Variants in C2CD3 observed in about 807,000 individuals in gnomAD.
C2CD3 encodes the protein C2 domain-containing protein 3.
In C2CD3, 148 loss-of-function variants were observed where a neutral mutation model predicts 234.0. The observed-to-expected ratio is 0.63, with a 90% CI of 0.55 to 0.72. C2CD3 has a LOEUF of 0.72. Ranked by LOEUF, C2CD3 falls within the 30% of genes least tolerant of loss-of-function variation. The pLI, the probability that C2CD3 is intolerant of heterozygous loss-of-function variation, is 0.00. For synonymous variants in C2CD3, 1,000 were observed against 1,035.4 expected, an observed-to-expected ratio of 0.97 and a Z score of 0.66; for missense variants, 2,577 against 2,811.5, an observed-to-expected ratio of 0.92 and a Z score of 1.89.
At chr11:74,028,458 C>T (rs1952395029) in intron 31 of C2CD3, 60 bp from the exon 32 acceptor site, 1 of 1,008,692 alleles carries the variant, frequency 9.9e-7, no homozygotes, top group East Asian at 2.6e-5. Context: ...CAGTGGAGGC[C>T]AGCATCTCCA....
intron 32 of C2CD3, among the ~76,000 whole-genome samples, chr11:74,016,406 C>T (rs1373113854): frequency 1.2e-4 from 18 of 152,220 alleles, no homozygotes; most frequent in Admixed American, 1.2e-3. Flanking sequence ...CAGACCTACA[C>T]CTACTGGCTG....
intron 9 of C2CD3, 82 bp downstream of exon 9, chr11:74,118,146 A>G: frequency 9.5e-7 from 1 of 1,048,166 alleles, no homozygotes. Flanking sequence ...TGCTGGGCAA[A>G]TGGGTCATTT....
At chr11:74,110,192 G>A (rs983275990) in intron 11 of C2CD3, among the ~76,000 whole-genome samples, 14 of 146,316 alleles carry the variant, frequency 9.6e-5, no homozygotes, top group African/African-American at 3.4e-4. Context: ...ACTTACCACC[G>A]CAGAAACAAT....
At chr11:74,122,899 G>T in intron 8 of C2CD3, 89 bp downstream of exon 8, 1 of 698,978 alleles carries the variant, frequency 1.4e-6, no homozygotes, top group Non-Finnish European at 2.2e-6. Context: ...GGTAAGTTAT[G>T]TAAAATGCAT....
At chr11:74,126,652 G>A (rs186968904) in intron 7 of C2CD3, among the ~76,000 whole-genome samples, 5 of 152,310 alleles carry the variant, frequency 3.3e-5, no homozygotes, top group Admixed American at 2.6e-4. Flanking sequence ...GCTGAGGCAG[G>A]AGAATCGCTT....
intron 22 of C2CD3, among the ~76,000 whole-genome samples, chr11:74,079,814 T>G (rs1384499049): frequency 1.3e-5 from 2 of 152,062 alleles, no homozygotes; most frequent in Non-Finnish European, 2.9e-5. Flanking sequence ...AAGGCCAGAT[T>G]TATTTCTGAA....
At chr11:74,055,376 A>G (rs908815212) in intron 25 of C2CD3, among the ~76,000 whole-genome samples, 3 of 139,140 alleles carry the variant, frequency 2.2e-5, no homozygotes, top group Admixed American at 2.0e-4. Context: ...ATACATTTAT[A>G]TATTACATAA....
intron 24 of C2CD3, among the ~76,000 whole-genome samples, chr11:74,067,483 A>G (rs1954594664): frequency 1.3e-5 from 2 of 152,202 alleles, no homozygotes; most frequent in Non-Finnish European, 2.9e-5. Flanking sequence ...GTTTACAAGC[A>G]TATTAAAGAA....
chr11:74,118,640 C>T (rs572816926), intron 8 of C2CD3, among the ~76,000 whole-genome samples: 8 of 151,158 alleles, frequency 5.3e-5, no homozygotes, highest in African/African-American at 1.9e-4. Context: ...ATAATAATAA[C>T]TATTATTTAT....
chr11:74,081,214 T>C (rs538050338), intron 22 of C2CD3, among the ~76,000 whole-genome samples: 19 of 152,280 alleles, frequency 1.2e-4, no homozygotes, highest in African/African-American at 3.6e-4. Context: ...ACTGTATCCA[T>C]CCCACAAGAT....
intron 30 of C2CD3, 93 bp downstream of exon 30, chr11:74,037,385 C>T: frequency 1.0e-6 from 1 of 981,552 alleles, no homozygotes; most frequent in Non-Finnish European, 1.6e-6. Context: ...CTCTATTTGT[C>T]ATAGGGGCTT....
chr11:74,170,916 G>T lies in C2CD3; in HGVS notation c.-124C>A. ...ACCGGCGCCGCTGGGCAGCCTGGGA[G>T]GCAGGAAAAAGCGACTCTTCCTCTA... On this transcript the variant is annotated 5_prime_UTR_variant, in exon 1 of 33. Coordinates refer to ENST00000334126, the MANE Select transcript of C2CD3 (RefSeq NM_001286577.2). 1 of 1,541,780 alleles carries T rather than the reference G, an allele frequency of 6.5e-7. No individual in the cohort carries two copies.
chr11:74,041,953 G>A, intron 29 of C2CD3, 101 bp downstream of exon 29: 1 of 1,168,526 alleles, frequency 8.6e-7, no homozygotes, highest in Non-Finnish European at 1.2e-6. Context: ...ATGTTCCTAG[G>A]GCGGTGGCAG....
intron 24 of C2CD3, among the ~76,000 whole-genome samples, chr11:74,063,385 T>C (rs1034905912): frequency 2.6e-5 from 4 of 151,790 alleles, no homozygotes; most frequent in Non-Finnish European, 4.4e-5. Flanking sequence ...CTCAATAAAA[T>C]ACTGGCAAAC....
intron 32 of C2CD3, among the ~76,000 whole-genome samples, chr11:74,026,400 A>C (rs1952301284): frequency 6.6e-6 from 1 of 152,020 alleles, no homozygotes; most frequent in African/African-American, 2.4e-5. Context: ...GGTGCTGAGG[A>C]GGTTGGAAGA....
intron 22 of C2CD3, among the ~76,000 whole-genome samples, chr11:74,079,844 T>G (rs1401795470): frequency 6.6e-6 from 1 of 152,108 alleles, no homozygotes; most frequent in Non-Finnish European, 1.5e-5. Flanking sequence ...TCTCAGGTTT[T>G]AGAAAGGTAA....
In C2CD3 at chr11:74,078,466, T is replaced by C. The variant is rs1591407808; in HGVS notation, c.4252A>G (p.Ile1418Val). ...TGGCCAGCAAGCAGCACACAATGGATGGGCAGCCACAGCCTTGGGGTGGAG... is the reference window on the plus strand; with the variant it reads ...TGGCCAGCAAGCAGCACACAATGGACGGGCAGCCACAGCCTTGGGGTGGAG... ...TISTPRLWLPIHCVLLAGHNH... is the reference protein window; with the variant it reads ...TISTPRLWLPVHCVLLAGHNH... The change falls in exon 23 of 33, where the codon ATC becomes GTC. Residue 1418 changes from isoleucine (I) to valine (V), a missense_variant. Coordinates refer to ENST00000334126, the MANE Select transcript of C2CD3 (RefSeq NM_001286577.2). 1.2e-6 allele frequency: 2 copies of C among 1,614,086 alleles called. No individual in the cohort carries two copies. Among genetic ancestry groups the C allele is most frequent in the African/African-American group, 1.3e-5 (1 of 74,942 alleles).
chr11:74,170,763 C>A lies in C2CD3; in HGVS notation c.30G>T (p.Gly10=). 6.2e-7 allele frequency: 1 copy of A among 1,614,212 alleles called. No homozygotes were observed. Among genetic ancestry groups the A allele is most frequent in the Non-Finnish European group, 8.5e-7 (1 of 1,180,040 alleles). ...CTCTTTTTTTGCGCCCACGGCTGCC[C>A]CCAGACCCTTGGCCTTTTCGTTGTT... MKQRKGQGS[G]GSRGRKKRGL... The change falls in exon 1 of 33, where the codon GGG becomes GGT. Residue 10 remains glycine (G), a synonymous_variant. Coordinates refer to ENST00000334126, the MANE Select transcript of C2CD3 (RefSeq NM_001286577.2).
intron 7 of C2CD3, 112 bp from the exon 8 acceptor site, chr11:74,123,247 C>T (rs1196624579): frequency 2.8e-6 from 2 of 715,536 alleles, no homozygotes; most frequent in Non-Finnish European, 4.6e-6. Flanking sequence ...ATATGTTAAA[C>T]AAAAGACTCA....
Sources: gnomAD v4.1 joint callset for allele counts (sites outside exome capture counted in the v4.1 genomes callset) on GRCh38, gnomAD v4.1.1 for gene constraint, MANE v1.5 for transcripts, NCBI Gene and HGNC (gene_info 2026-07-23, HGNC 2026-07-21) for gene names.